The following LIN28B variants were observed in gnomAD, a reference collection of about 807,000 sequenced individuals.
LIN28B encodes protein lin-28 homolog B.
A neutral mutation model predicts 21.9 loss-of-function variants in LIN28B; 5 were observed. The ratio of observed to expected loss-of-function variants is 0.23; its 90% CI spans 0.12 to 0.48. LIN28B has a LOEUF of 0.48. LIN28B is among the 20% of genes least tolerant of loss of function. LIN28B has a pLI of 0.98. For synonymous variants in LIN28B, 109 were observed against 111.3 expected (o/e 0.98, Z 0.13); for missense variants, 245 against 310.5 (o/e 0.79, Z 1.58).
chr6:105,078,690 G>T lies in LIN28B; in HGVS notation c.660G>T (p.Arg220Ser), dbSNP rs763907032. 1 of 1,613,986 alleles carries T rather than the reference G, an allele frequency of 6.2e-7. No individual in the cohort carries two copies. The highest frequency in any genetic ancestry group is 8.5e-7 in the Non-Finnish European group (1 of 1,180,034). ...CAGAGATCTCAGAACGGTCAGGCAG[G>T]TCACCTCAAGAAGCTTCCTCCACGA... ...ARAEISERSG[R>S]SPQEASSTKS... is the part of the protein sequence containing the mutation. Residue 220 changes from arginine (R) to serine (S), a missense_variant, in exon 4 of 4, where the codon AGG becomes AGT. Physicochemically the swap from Arg to Ser is moderately radical, Grantham distance 110. Transcript: ENST00000345080.
chr6:104,954,681 G>C (rs1410584294), upstream of LIN28B, among the ~76,000 whole-genome samples: 1 of 152,162 alleles, frequency 6.6e-6, no homozygotes, highest in African/African-American at 2.4e-5. Context: ...AAATGAATGA[G>C]TCGATAACCT....
chr6:105,052,157 C>T (rs1363215811), intron 3 of LIN28B, among the ~76,000 whole-genome samples: 2 of 152,078 alleles, frequency 1.3e-5, no homozygotes, highest in African/African-American at 4.8e-5. Context: ...TGAGGAGTGG[C>T]AGGCCAGCCA....
chr6:105,001,180 G>A (rs776562991), intron 2 of LIN28B, among the ~76,000 whole-genome samples: 6 of 152,194 alleles, frequency 3.9e-5, no homozygotes, highest in Non-Finnish European at 8.8e-5. Context: ...AGTTTTGTCT[G>A]TGGTAGCTTT....
chr6:105,071,135 T>C (rs1399714704), intron 3 of LIN28B, among the ~76,000 whole-genome samples: 1 of 152,104 alleles, frequency 6.6e-6, no homozygotes, highest in Admixed American at 6.6e-5. Context: ...ACCTAGACCT[T>C]CCAAAGTGCT....
intron 3 of LIN28B, 137 bp downstream of exon 3, chr6:105,026,619 A>AT (rs1383652752): frequency 1.7e-6 from 1 of 585,168 alleles, no homozygotes; most frequent in Non-Finnish European, 3.0e-6. Flanking sequence ...AATATCAGAA[A>AT]TATAGGCTAT....
Position 105,068,974 on chromosome 6 carries a change from T to C in LIN28B, c.384-9440T>C, listed in dbSNP as rs542148335. On this transcript the variant is annotated intron_variant, in intron 3 of 3. Coordinates refer to ENST00000345080, the MANE Select transcript of LIN28B (RefSeq NM_001004317.4). ...GCTCACACCTGTAATCCCAGCACTT[T>C]GGGAGGCCGAGGCAGGCAGATCACT... Among the ~76,000 whole-genome samples the C allele has an allele frequency of 3.3e-5, 5 of 152,288 alleles. No homozygotes were observed. The East Asian group carries it at 9.7e-4, about 29-fold the overall frequency.
At chr6:104,954,094 G>A (rs907332729), upstream of LIN28B, among the ~76,000 whole-genome samples, 12 of 152,094 alleles carry the variant, frequency 7.9e-5, no homozygotes, top group African/African-American at 2.9e-4. Flanking sequence ...GTAGCTACTT[G>A]AACTCATTTT....
rs373789186 is a variant in LIN28B, at chr6:105,078,791, T to C, written c.*8T>C. ...AAAAGGAAAAAGACATAACAGGTCT[T>C]CTTCATATGTTCTTTCCTTTACCCG... On this transcript the variant is annotated 3_prime_UTR_variant, in exon 4 of 4. Coordinates refer to ENST00000345080, the MANE Select transcript of LIN28B (RefSeq NM_001004317.4). 19 of 1,608,692 alleles carry C rather than the reference T, an allele frequency of 1.2e-5. No homozygotes were observed. Among genetic ancestry groups the C allele is most frequent in the East Asian group, 6.7e-5 (3 of 44,762 alleles).
intron 2 of LIN28B, among the ~76,000 whole-genome samples, chr6:104,994,972 A>G (rs1372250388): frequency 6.6e-6 from 1 of 152,234 alleles, no homozygotes; most frequent in African/African-American, 2.4e-5. Flanking sequence ...AAAATCTTCC[A>G]AGATCCAAAA....
chr6:104,974,403 C>T lies in LIN28B; in HGVS notation c.198+16117C>T, dbSNP rs546184779. Among the ~76,000 whole-genome samples, 91 of 150,640 alleles carry T rather than the reference C, an allele frequency of 6.0e-4. No homozygotes were observed. In the South Asian group the frequency reaches 0.017, roughly 28 times the overall value. ...ACTTGGGAGGCTGAGGCAGAAGAAT[C>T]GCTTGAACCTGGGAGGCGGAGGTTG... On this transcript the variant is annotated intron_variant, in intron 2 of 3. Coordinates refer to ENST00000345080, the MANE Select transcript of LIN28B (RefSeq NM_001004317.4).
chr6:104,943,707 A>G (rs1778124320), intron 2 of LIN28B, among the ~76,000 whole-genome samples: 1 of 152,028 alleles, frequency 6.6e-6, no homozygotes, highest in Non-Finnish European at 1.5e-5. Context: ...TTTTGTTTAA[A>G]TACTTTTGAA....
chr6:104,952,983 GC>G (rs201988712), upstream of LIN28B, among the ~76,000 whole-genome samples: 764 of 152,310 alleles, frequency 5.0e-3, 5 homozygotes, highest in African/African-American at 0.018. Flanking sequence ...TGCCTCTGCT[GC>G]AAGACCCAAG....
chr6:104,982,793 ATTTT>A (rs1213442150), intron 2 of LIN28B, among the ~76,000 whole-genome samples: 2 of 151,378 alleles, frequency 1.3e-5, no homozygotes, highest in East Asian at 3.9e-4. Context: ...TCTTCTAAAC[ATTTT>A]TATTTATTTA....
At chr6:104,968,981 T>C (rs1258313941) in intron 2 of LIN28B, among the ~76,000 whole-genome samples, 3 of 152,242 alleles carry the variant, frequency 2.0e-5, no homozygotes, top group African/African-American at 7.2e-5. Flanking sequence ...GCTTATGATA[T>C]ATAAGCACTG....
rs1772529508 is a variant in LIN28B at position 105,080,767 on chromosome 6, CGT to C, written c.*1985_*1986del. ...ACAGTAAAATGCAAAACATGATAAG[CGT>C]TGCTCAATTTTTAGCAGGTATAATA... is the stretch of plus-strand genomic sequence containing the variant. On this transcript the variant is annotated 3_prime_UTR_variant, in exon 4 of 4. Transcript: ENST00000345080. The C allele has an allele frequency of 6.6e-6, 1 of 152,548 alleles. No homozygotes were observed. Among genetic ancestry groups the C allele is most frequent in the Non-Finnish European group, 1.5e-5 (1 of 68,028 alleles). The allele number at this position is 152,548 out of a possible 1,614,324, so 9.4% of individuals were successfully genotyped here.
At chr6:104,977,860 C>G (rs116808352) in intron 2 of LIN28B, among the ~76,000 whole-genome samples, 3,307 of 152,138 alleles carry the variant, frequency 0.022, 129 homozygotes, top group African/African-American at 0.077. Context: ...GCCACCGCAC[C>G]CGACCAGGTG....
chr6:104,961,960 G>A (rs933824811), intron 2 of LIN28B, among the ~76,000 whole-genome samples: 2 of 152,144 alleles, frequency 1.3e-5, no homozygotes, highest in African/African-American at 2.4e-5. Flanking sequence ...GAAGGGCAAC[G>A]TTAACCTAAT....
At chr6:104,973,504 T>C (rs1223261755) in intron 2 of LIN28B, among the ~76,000 whole-genome samples, 1 of 152,180 alleles carries the variant, frequency 6.6e-6, no homozygotes, top group African/African-American at 2.4e-5. Flanking sequence ...TCTCTTTCTT[T>C]AGTCTCCTTC....
intron 3 of LIN28B, among the ~76,000 whole-genome samples, chr6:105,065,778 A>G (rs918357823): frequency 6.6e-6 from 1 of 152,228 alleles, no homozygotes; most frequent in Non-Finnish European, 1.5e-5. Flanking sequence ...TTCTAAGACC[A>G]CTGGCCCTCT....
Sources: allele counts gnomAD v4.1 joint callset (sites outside exome capture counted in the v4.1 genomes callset), GRCh38; gene constraint gnomAD v4.1.1; transcripts MANE v1.5; gene names NCBI Gene and HGNC (gene_info 2026-07-23, HGNC 2026-07-21).